PSMB7: variants seen among roughly 807,000 people sequenced by gnomAD.
PSMB7 encodes the protein proteasome subunit beta type-7.
In PSMB7, 5 loss-of-function variants were observed where a neutral mutation model predicts 28.1. The ratio of observed to expected loss-of-function variants is 0.18; its 90% CI spans 0.09 to 0.37. The LOEUF (loss-of-function observed/expected upper bound fraction) is 0.37, where lower values mean the gene tolerates loss of function less well. Among genes scored for constraint, PSMB7 ranks in the 10% least tolerant of loss-of-function variants. The pLI is 1.00. For synonymous variants in PSMB7, 122 were observed against 123.7 expected, an observed-to-expected ratio of 0.99 and a Z score of 0.09; for missense variants, 275 against 346.2, an observed-to-expected ratio of 0.79 and a Z score of 1.63.
intron 1 of PSMB7, 86 bp from the exon 2 acceptor site, chr9:124,415,021 G>A (rs550804592): frequency 2.1e-5 from 18 of 865,654 alleles, no homozygotes; most frequent in African/African-American, 8.4e-5. Flanking sequence ...AGAGAACTCA[G>A]GAAAGCTGCT....
At chr9:124,396,240 C>T (rs548663613) in intron 5 of PSMB7, among the ~76,000 whole-genome samples, 1 of 152,204 alleles carries the variant, frequency 6.6e-6, no homozygotes, top group African/African-American at 2.4e-5. Flanking sequence ...GTGGAGGTAT[C>T]AAAATATCTA....
Position 124,413,970 on chromosome 9 carries a change from A to T in PSMB7, c.192T>A (p.Thr64=). 1 of 1,613,408 alleles carries T rather than the reference A, an allele frequency of 6.2e-7. No individual in the cohort carries two copies. The highest frequency in any genetic ancestry group is 8.5e-7 in the Non-Finnish European group (1 of 1,179,728). The change falls in exon 3 of 8, where the codon ACT becomes ACA. Residue 64 remains threonine (T), a synonymous_variant. Coordinates refer to ENST00000259457, the MANE Select transcript of PSMB7 (RefSeq NM_002799.4). The part of the protein sequence containing the change: ...GIVLGADTRA[T]EGMVVADKNC... The stretch of plus-strand genomic sequence containing the variant: ...TCTTGTCAGCAACAACCATCCCTTC[A>T]GTTGCTCTTGTATCTGCTCCAAGAA...
intron 5 of PSMB7, among the ~76,000 whole-genome samples, chr9:124,399,798 C>A (rs1476285574): frequency 3.9e-5 from 6 of 152,172 alleles, no homozygotes; most frequent in Admixed American, 1.3e-4. Context: ...GCCACCACCA[C>A]TGGATTCGTC....
At chr9:124,371,613 G>A (rs930858039) in intron 6 of PSMB7, among the ~76,000 whole-genome samples, 3 of 151,990 alleles carry the variant, frequency 2.0e-5, no homozygotes, top group Non-Finnish European at 2.9e-5. Context: ...TCAAGTAACC[G>A]AAAAAAGACA....
At position 124,361,896 on chromosome 9, in the gene PSMB7, C is replaced by A. The variant is rs544656183; in HGVS notation, c.571-4981G>T. ...CATTATTCTTGTCTACAGCTACAAT[C>A]GAATTTCTCTTCTCACTTAAGTGAT... On this transcript the variant is annotated intron_variant, in intron 6 of 7. Transcript: ENST00000259457. Among the ~76,000 whole-genome samples the A allele has an allele frequency of 3.3e-5, 5 of 152,216 alleles. No homozygotes were observed. The South Asian group carries it at 1.0e-3, about 32-fold the overall frequency.
chr9:124,391,367 CTTG>C, intron 5 of PSMB7, among the ~76,000 whole-genome samples: 1 of 152,312 alleles, frequency 6.6e-6, no homozygotes, highest in African/African-American at 2.4e-5. Flanking sequence ...AAGCCAAATG[CTTG>C]AAATCAAGAT....
chr9:124,369,741 A>G (rs3758207), intron 6 of PSMB7, among the ~76,000 whole-genome samples: 73,694 of 151,894 alleles, frequency 0.49, 18,549 homozygotes, highest in Non-Finnish European at 0.56. Context: ...CCTGTCCGGA[A>G]TGGTCTCCTT....
chr9:124,368,872 A>G (rs1260401531), intron 6 of PSMB7, among the ~76,000 whole-genome samples: 1 of 152,202 alleles, frequency 6.6e-6, no homozygotes, highest in Non-Finnish European at 1.5e-5. Context: ...CTGGGGCTAC[A>G]GGGGTTACAC....
chr9:124,412,574 C>T, intron 3 of PSMB7, 82 bp from the exon 4 acceptor site: 3 of 1,440,440 alleles, frequency 2.1e-6, no homozygotes, highest in South Asian at 2.4e-5. Flanking sequence ...GGATAACTTC[C>T]ATGAAGTTCA....
chr9:124,411,791 G>A (rs553399033), intron 4 of PSMB7, among the ~76,000 whole-genome samples: 2 of 152,276 alleles, frequency 1.3e-5, no homozygotes, highest in East Asian at 1.9e-4. Context: ...AATAGGAGAC[G>A]CTAATAGTCC....
chr9:124,395,759 T>C (rs1219450365), intron 5 of PSMB7, among the ~76,000 whole-genome samples: 1 of 152,212 alleles, frequency 6.6e-6, no homozygotes, highest in East Asian at 1.9e-4. Flanking sequence ...GTTAGGTGAC[T>C]AGGCTCTCTG....
At chr9:124,395,433 CA>C (rs1362104773) in intron 5 of PSMB7, among the ~76,000 whole-genome samples, 1 of 152,012 alleles carries the variant, frequency 6.6e-6, no homozygotes, top group Non-Finnish European at 1.5e-5. Flanking sequence ...TTTGAGGGTA[CA>C]ATGAGCTATA....
At chr9:124,353,937 C>T (rs1457178961) in intron 7 of PSMB7, among the ~76,000 whole-genome samples, 2 of 152,050 alleles carry the variant, frequency 1.3e-5, no homozygotes, top group East Asian at 3.8e-4. Context: ...AACACGGCAC[C>T]TGGCCCTTGG....
At chr9:124,382,356 C>T (rs746464457) in intron 6 of PSMB7, among the ~76,000 whole-genome samples, 9 of 150,812 alleles carry the variant, frequency 6.0e-5, no homozygotes, top group East Asian at 2.0e-4. Flanking sequence ...TACAGGCGCC[C>T]GGTACCACGT....
At position 124,384,604 on chromosome 9, in the gene PSMB7, G is replaced by A; in HGVS notation, c.564C>T (p.Asp188=). Residue 188 remains aspartate, a synonymous_variant, in exon 6 of 8, where the codon GAC becomes GAT. Coordinates refer to ENST00000259457, the MANE Select transcript of PSMB7 (RefSeq NM_002799.4). ...ACTGCAGGGACTTACATACCTCCATGTCTGGCCTAAACTTATCTTCAAATA... is the reference window on the plus strand; with the variant it reads ...ACTGCAGGGACTTACATACCTCCATATCTGGCCTAAACTTATCTTCAAATA... The part of the protein sequence containing the change: ...MAVFEDKFRP[D]MEEEEAKNLV... The A allele has an allele frequency of 6.2e-7, 1 of 1,612,500 alleles. No individual in the cohort carries two copies. Among genetic ancestry groups the A allele is most frequent in the Non-Finnish European group, 8.5e-7 (1 of 1,179,258 alleles).
At chr9:124,409,778 G>A (rs1486693601) in intron 4 of PSMB7, among the ~76,000 whole-genome samples, 1 of 152,096 alleles carries the variant, frequency 6.6e-6, no homozygotes, top group Non-Finnish European at 1.5e-5. Flanking sequence ...AAATTTATAC[G>A]ACAGTCAGTG....
intron 2 of PSMB7, 150 bp downstream of exon 2, chr9:124,414,692 G>A: frequency 1.5e-6 from 1 of 671,680 alleles, no homozygotes; most frequent in South Asian, 1.6e-5. Flanking sequence ...CACAAAACCT[G>A]ACAAAAGCAG....
intron 3 of PSMB7, 97 bp downstream of exon 3, chr9:124,413,811 G>T: frequency 1.3e-6 from 1 of 789,054 alleles, no homozygotes; most frequent in Non-Finnish European, 2.0e-6. Flanking sequence ...GAAAATACAG[G>T]TTGAAAAACA....
At chr9:124,355,231 C>T (rs1310981408) in intron 7 of PSMB7, among the ~76,000 whole-genome samples, 4 of 152,264 alleles carry the variant, frequency 2.6e-5, no homozygotes, top group Non-Finnish European at 5.9e-5. Flanking sequence ...CCACCACACG[C>T]CCAGCAGCTT....
Sources: allele counts gnomAD v4.1 joint callset (sites outside exome capture counted in the v4.1 genomes callset), GRCh38; gene constraint gnomAD v4.1.1; transcripts MANE v1.5; gene names NCBI Gene and HGNC (gene_info 2026-07-23, HGNC 2026-07-21).